Variants in LIMK2 observed in about 807,000 individuals in gnomAD.
LIMK2 encodes the protein LIM domain kinase 2.
Under a neutral mutation model 75.7 loss-of-function variants are expected in LIMK2, and 35 were observed. The observed-to-expected ratio is 0.46, with a 90% confidence interval of 0.35 to 0.61. LIMK2 has a LOEUF of 0.61. Among genes scored for constraint, LIMK2 ranks in the 20% least tolerant of loss-of-function variants. The pLI, the probability that LIMK2 is intolerant of heterozygous loss-of-function variation, is 0.00. For missense variants in LIMK2, 623 were observed against 831.0 expected (o/e 0.75, Z 3.08); for synonymous variants, 301 against 319.2 (o/e 0.94, Z 0.61).
At chr22:31,213,155 T>TA (rs1325262443) in intron 1 of LIMK2, among the ~76,000 whole-genome samples, 1 of 152,076 alleles carries the variant, frequency 6.6e-6, no homozygotes, top group Non-Finnish European at 1.5e-5. Context: ...CTCTCTAGAC[T>TA]AAAGACTAGA....
At chr22:31,229,038 G>A (rs1311077158) in intron 2 of LIMK2, among the ~76,000 whole-genome samples, 1 of 152,066 alleles carries the variant, frequency 6.6e-6, no homozygotes, top group Non-Finnish European at 1.5e-5. Flanking sequence ...ACACCTATAT[G>A]TATACATTTC....
At chr22:31,218,503 G>A (rs2048406274) in intron 1 of LIMK2, among the ~76,000 whole-genome samples, 1 of 152,180 alleles carries the variant, frequency 6.6e-6, no homozygotes, top group African/African-American at 2.4e-5. Context: ...GTTTAGAGAA[G>A]CTCGAAAGCT....
chr22:31,233,686 G>A (rs1046276516), intron 2 of LIMK2, among the ~76,000 whole-genome samples: 9 of 152,168 alleles, frequency 5.9e-5, no homozygotes, highest in African/African-American at 2.2e-4. Flanking sequence ...TCTAGACTTT[G>A]CTGGACTTTC....
At chr22:31,259,023 G>T in intron 3 of LIMK2, 98 bp from the exon 4 acceptor site, 1 of 695,252 alleles carries the variant, frequency 1.4e-6, no homozygotes, top group Non-Finnish European at 2.6e-6. Context: ...CGGGGGCCTT[G>T]CTTGGAGGTC....
Position 31,257,475 on chromosome 22 carries a change from T to C in LIMK2, c.117-816T>C, listed in dbSNP as rs139891457. 9.3e-3 allele frequency among the ~76,000 whole-genome samples: 1,410 copies of C among 152,264 alleles called. 8 individuals carry two copies. Among genetic ancestry groups the C allele is most frequent in the Middle Eastern group, 0.024 (7 of 292 alleles). ...TTTACCCTTGAACAGTTCAATATGT[T>C]TCTGCTAAGAATTCTCCTATATAAG... On this transcript the variant is annotated intron_variant, in intron 2 of 15. Transcript: ENST00000331728.
At chr22:31,260,415 T>G (rs1485952302) in intron 5 of LIMK2, among the ~76,000 whole-genome samples, 1 of 152,228 alleles carries the variant, frequency 6.6e-6, no homozygotes, top group Non-Finnish European at 1.5e-5. Context: ...CAGAAGAAAC[T>G]TGCTGTCTTA....
At chr22:31,264,574 T>C (rs1277087246) in intron 7 of LIMK2, among the ~76,000 whole-genome samples, 2 of 152,242 alleles carry the variant, frequency 1.3e-5, no homozygotes, top group African/African-American at 2.4e-5. Flanking sequence ...GTGTTTATCA[T>C]CTTAAAATTC....
At chr22:31,216,036 A>C (rs1009347104) in intron 1 of LIMK2, among the ~76,000 whole-genome samples, 8 of 152,220 alleles carry the variant, frequency 5.3e-5, no homozygotes, top group South Asian at 4.1e-4. Flanking sequence ...AGAGATAGAC[A>C]GCAAGTAAAT....
intron 1 of LIMK2, among the ~76,000 whole-genome samples, chr22:31,220,489 C>T (rs2048424037): frequency 2.0e-5 from 3 of 152,312 alleles, no homozygotes; most frequent in South Asian, 4.1e-4. Flanking sequence ...AATAAAGATA[C>T]AGTTCTTACA....
chr22:31,277,288 T>G, intron 15 of LIMK2: 1 of 1,476,022 alleles, frequency 6.8e-7, no homozygotes, highest in South Asian at 1.4e-5. Context: ...TCTCTTCCCC[T>G]GCCCCCTCAG....
At chr22:31,272,956 A>T in intron 13 of LIMK2, 1 of 1,256,206 alleles carries the variant, frequency 8.0e-7, no homozygotes, top group Non-Finnish European at 1.0e-6. Context: ...AGGGATCGCT[A>T]AGAGCTCAGG....
rs1180879988 is a variant in LIMK2, at chr22:31,278,427, G to T, written c.1903G>T (p.Asp635Tyr). 4 of 1,611,830 alleles carry T rather than the reference G, an allele frequency of 2.5e-6. No homozygotes were observed. Among genetic ancestry groups the T allele is most frequent in the East Asian group, 4.5e-5 (2 of 44,800 alleles). ...TVSMQYGLTR[D>Y]SPP ...GAGCATGCAGTACGGCCTGACCCGG[G>T]ACTCACCTCCCTAGCCCTGGCCCAG... Residue 635 changes from aspartate (D) to tyrosine (Y), a missense_variant, in exon 16 of 16, where the codon GAC (aspartate) becomes TAC (tyrosine). Physicochemically the swap from Asp to Tyr is radical, Grantham distance 160. Around this residue, in one of 3 missense-constraint regions of LIMK2, gnomAD observed 46 missense variants for 46.9 expected, o/e 0.98. Transcript: ENST00000331728.
rs144281647 is a variant in LIMK2, at chr22:31,243,086, C to A, written c.117-15205C>A. 2.3e-3 allele frequency among the ~76,000 whole-genome samples: 345 copies of A among 152,286 alleles called. 2 individuals carry two copies. The highest frequency in any genetic ancestry group is 6.8e-3 in the Middle Eastern group (2 of 294). On this transcript the variant is annotated intron_variant, in intron 2 of 15. Transcript: ENST00000331728. ...TACGGGCACACACCACCACATCCAG[C>A]TAATTTTGTATTTTTAGCAGAGATG... is the stretch of plus-strand genomic sequence containing the variant.
At chr22:31,235,969 C>T (rs915840298) in intron 2 of LIMK2, among the ~76,000 whole-genome samples, 1 of 152,208 alleles carries the variant, frequency 6.6e-6, no homozygotes, top group Non-Finnish European at 1.5e-5. Flanking sequence ...GGGCAAGTTA[C>T]TTGCCCTTTG....
Position 31,276,663 on chromosome 22 carries a change from C to A in LIMK2, c.1772+1355C>A. The A allele has an allele frequency of 2.2e-5, 23 of 1,031,066 alleles. 1 individual carries two copies. The South Asian group carries it at 4.1e-4, about 18-fold the overall frequency. The allele number at this position is 1,031,066 out of a possible 1,614,324, so 63.9% of individuals were successfully genotyped here. A position where few individuals can be genotyped will look rare whatever the true frequency, so the allele number is the denominator to read the frequency against. The stretch of plus-strand genomic sequence containing the variant: ...GGCGGCGGCACAAGGAGGGGCCCCA[C>A]GCGCGCACGTGGCCCCGGAGGCCGC... On this transcript the variant is annotated intron_variant, in intron 15 of 15. Transcript: ENST00000331728.
chr22:31,273,856 C>T (rs1309728293), intron 14 of LIMK2, among the ~76,000 whole-genome samples: 1 of 151,986 alleles, frequency 6.6e-6, no homozygotes, highest in Non-Finnish European at 1.5e-5. Context: ...CACCACCATG[C>T]CCGGCTAATT....
rs567250437 is a variant in LIMK2, at chr22:31,255,978, C to CTTTT, written c.117-2278_117-2275dup. Among the ~76,000 whole-genome samples the CTTTT allele has an allele frequency of 5.4e-4, 16 of 29,682 alleles. 5 individuals are homozygous for CTTTT. The highest frequency in any genetic ancestry group is 3.4e-3 in the East Asian group (3 of 878). 19.5% of individuals were successfully genotyped at this position (29,682 alleles called of 152,430 possible). ...ATACTGAGTTTCTACTATATTGGGT[C>CTTTT]TTTTTTTTTTTTTTTTTTTTTTTTT... is the stretch of plus-strand genomic sequence containing the variant. On this transcript the variant is annotated intron_variant, in intron 2 of 15. Transcript: ENST00000331728.
At chr22:31,253,316 C>T (rs2048744382) in intron 2 of LIMK2, among the ~76,000 whole-genome samples, 1 of 152,202 alleles carries the variant, frequency 6.6e-6, no homozygotes, top group Admixed American at 6.5e-5. Context: ...GGTAGAAAAA[C>T]AGCCTTGGCT....
chr22:31,244,535 G>A (rs903963368), intron 2 of LIMK2, among the ~76,000 whole-genome samples: 1 of 151,988 alleles, frequency 6.6e-6, no homozygotes, highest in Non-Finnish European at 1.5e-5. Flanking sequence ...GCCCTTGTGT[G>A]TCCCCTCGGC....
Sources: gnomAD v4.1 joint callset for allele counts (sites outside exome capture counted in the v4.1 genomes callset) on GRCh38, gnomAD v4.1.1 for gene constraint, gnomAD v4.1.1 regional missense constraint, MANE v1.5 for transcripts, NCBI Gene and HGNC (gene_info 2026-07-23, HGNC 2026-07-21) for gene names.